EPHA3: variants seen among roughly 807,000 people sequenced by gnomAD.
EPHA3 encodes EPH receptor A3, also known as ephrin type-A receptor 3.
In EPHA3, 42 loss-of-function variants were observed where a neutral mutation model predicts 107.1. The ratio of observed to expected loss-of-function variants is 0.39; its 90% CI spans 0.31 to 0.51. The LOEUF is 0.51. Ranked by LOEUF, EPHA3 falls within the 20% of genes least tolerant of loss-of-function variation. The pLI is 0.78. For synonymous variants in EPHA3, 461 were observed against 424.8 expected (o/e 1.09, Z -1.05); for missense variants, 1,183 against 1,211.2 (o/e 0.98, Z 0.35).
intron 3 of EPHA3, among the ~76,000 whole-genome samples, chr3:89,323,675 A>G (rs1246419239): frequency 6.6e-6 from 1 of 152,132 alleles, no homozygotes; most frequent in Admixed American, 6.6e-5. Context: ...AGAAATCAAA[A>G]CCAGTATTCT....
rs2107273700 is a variant in EPHA3 at position 89,257,362 on chromosome 3, G to C, written c.814+46842G>C. The stretch of plus-strand genomic sequence containing the variant: ...TTTAGGTCTGGTGAAGATTGCAATG[G>C]CTTCCTAACTCCTCTCCTTGCTTTC... On this transcript the variant is annotated intron_variant, in intron 3 of 16. Transcript: ENST00000336596. Among the ~76,000 whole-genome samples, 6 of 152,232 alleles carry C rather than the reference G, an allele frequency of 3.9e-5. No homozygotes were observed. The Middle Eastern group carries it at 0.02, about 518-fold the overall frequency.
At chr3:89,198,260 T>C (rs1422595406) in intron 2 of EPHA3, among the ~76,000 whole-genome samples, 1 of 152,266 alleles carries the variant, frequency 6.6e-6, no homozygotes, top group Non-Finnish European at 1.5e-5. Context: ...TAATAATGAA[T>C]GTTTATTTGC....
intron 3 of EPHA3, among the ~76,000 whole-genome samples, chr3:89,325,660 C>T (rs555377723): frequency 3.3e-5 from 5 of 152,144 alleles, no homozygotes; most frequent in African/African-American, 9.6e-5. Context: ...AATTCTCTGC[C>T]TTCTACTTTA....
intron 10 of EPHA3, among the ~76,000 whole-genome samples, chr3:89,415,467 A>AATATATATATATATAT (rs71621548): frequency 0.035 from 4,633 of 131,032 alleles, 124 homozygotes; most frequent in Non-Finnish European, 0.043. Context: ...TTACAGAAAG[A>AATATATATATATATAT]ATATATATAT....
chr3:89,322,074 C>G (rs751007159), intron 3 of EPHA3, among the ~76,000 whole-genome samples: 2 of 151,332 alleles, frequency 1.3e-5, no homozygotes, highest in Non-Finnish European at 3.0e-5. Context: ...TGGAAAAATC[C>G]ATGGAAAAAT....
Position 89,481,836 on chromosome 3 carries a change from G to A in EPHA3, c.*2334G>A. ...TGCATTGACTTTCAGTAAACATAAA[G>A]CCACAACTCCTACATGATGTTATGT... is the stretch of plus-strand genomic sequence containing the variant. On this transcript the variant is annotated 3_prime_UTR_variant, in exon 17 of 17. Transcript: ENST00000336596. 1 of 231,576 alleles carries A rather than the reference G, an allele frequency of 4.3e-6. No homozygotes were observed. Among genetic ancestry groups the A allele is most frequent in the East Asian group, 6.1e-5 (1 of 16,286 alleles). The allele number at this position is 231,576 out of a possible 1,614,324, so 14.3% of individuals were successfully genotyped here.
chr3:89,447,373 T>C (rs1051171751), intron 13 of EPHA3, among the ~76,000 whole-genome samples: 1 of 152,182 alleles, frequency 6.6e-6, no homozygotes, highest in Non-Finnish European at 1.5e-5. Context: ...TCCTCAATTC[T>C]CTGCACTGTT....
intron 2 of EPHA3, among the ~76,000 whole-genome samples, chr3:89,154,590 G>A (rs1340241484): frequency 6.6e-6 from 1 of 151,354 alleles, no homozygotes; most frequent in African/African-American, 2.4e-5. Flanking sequence ...TTGTTTGATT[G>A]AACTAGGATT....
At chr3:89,398,264 T>C (rs2107506890) in intron 6 of EPHA3, among the ~76,000 whole-genome samples, 1 of 152,310 alleles carries the variant, frequency 6.6e-6, no homozygotes, top group East Asian at 1.9e-4. Context: ...CATTGTACCA[T>C]TGCTTGAAAT....
At chr3:89,214,064 A>G (rs1277323353) in intron 3 of EPHA3, among the ~76,000 whole-genome samples, 1 of 151,998 alleles carries the variant, frequency 6.6e-6, no homozygotes, top group East Asian at 1.9e-4. Flanking sequence ...ACAAGATTCT[A>G]TGTCTTCTCA....
chr3:89,312,643 C>G (rs1706790985), intron 3 of EPHA3, among the ~76,000 whole-genome samples: 1 of 151,702 alleles, frequency 6.6e-6, no homozygotes, highest in Non-Finnish European at 1.5e-5. Flanking sequence ...AAGTAAACTT[C>G]TATCATGGGA....
intron 1 of EPHA3, among the ~76,000 whole-genome samples, chr3:89,108,660 T>G (rs182349208): frequency 2.6e-5 from 4 of 152,334 alleles, no homozygotes; most frequent in Admixed American, 6.5e-5. Context: ...CATTAATTCC[T>G]TTTCAGTGGG....
intron 16 of EPHA3, among the ~76,000 whole-genome samples, chr3:89,476,790 A>T (rs1245958999): frequency 1.3e-5 from 2 of 151,294 alleles, no homozygotes; most frequent in African/African-American, 2.4e-5. Context: ...TTGTATTTTT[A>T]ATAGAGACGG....
At chr3:89,243,001 G>A (rs1237016729) in intron 3 of EPHA3, among the ~76,000 whole-genome samples, 2 of 147,142 alleles carry the variant, frequency 1.4e-5, no homozygotes, top group East Asian at 2.0e-4. Context: ...AAGAACATGC[G>A]GTGTTTGGTT....
intron 5 of EPHA3, among the ~76,000 whole-genome samples, chr3:89,373,501 T>C (rs1044897910): frequency 1.3e-5 from 2 of 151,914 alleles, no homozygotes; most frequent in African/African-American, 2.4e-5. Context: ...AAAATTCTTT[T>C]AGCAGCAAAT....
intron 5 of EPHA3, among the ~76,000 whole-genome samples, chr3:89,384,530 G>T (rs1284845008): frequency 6.6e-6 from 1 of 151,972 alleles, no homozygotes; most frequent in Non-Finnish European, 1.5e-5. Context: ...AAACGTTTAG[G>T]CTCTAACAAA....
chr3:89,249,746 T>C (rs1211020023), intron 3 of EPHA3, among the ~76,000 whole-genome samples: 1 of 152,150 alleles, frequency 6.6e-6, no homozygotes, highest in African/African-American at 2.4e-5. Context: ...CAGGCAGTTG[T>C]AGCCTTTAAA....
In EPHA3 at chr3:89,241,135, AC is replaced by A. The variant is rs200605344; in HGVS notation, c.814+30616del. Reference sequence around the variant, plus strand: ...AATATCTAATATAAACATTAAAAAAACACCAGTCATTGCATAATAATATACT... The same window carrying A: ...AATATCTAATATAAACATTAAAAAAAACCAGTCATTGCATAATAATATACT... On this transcript the variant is annotated intron_variant, in intron 3 of 16. Coordinates refer to ENST00000336596, the MANE Select transcript of EPHA3 (RefSeq NM_005233.6). Among the ~76,000 whole-genome samples the A allele has an allele frequency of 9.3e-3, 1,423 of 152,238 alleles. 24 individuals are homozygous for A. The highest frequency in any genetic ancestry group is 0.033 in the African/African-American group (1,357 of 41,538).
intron 12 of EPHA3, 97 bp from the exon 13 acceptor site, chr3:89,431,053 C>A: frequency 7.8e-7 from 1 of 1,276,406 alleles, no homozygotes; most frequent in Non-Finnish European, 1.1e-6. Flanking sequence ...TATAGTCAGT[C>A]TTGTTACAAA....
Sources: gnomAD v4.1 joint callset for allele counts (sites outside exome capture counted in the v4.1 genomes callset) on GRCh38, gnomAD v4.1.1 for gene constraint, MANE v1.5 for transcripts, NCBI Gene and HGNC (gene_info 2026-07-23, HGNC 2026-07-21) for gene names.